KCNK17: variants seen among roughly 807,000 people sequenced by gnomAD.
The protein encoded by KCNK17 is potassium channel subfamily K member 17.
In KCNK17, 27 loss-of-function variants were observed where a neutral mutation model predicts 24.6. That is an observed-to-expected ratio of 1.10 (90% CI 0.81 to 1.51). The LOEUF (loss-of-function observed/expected upper bound fraction) is 1.51. KCNK17 is among the 40% of genes most tolerant of loss of function. KCNK17 has a pLI of 0.00. For missense variants in KCNK17, 450 were observed against 436.6 expected (o/e 1.03, Z -0.27); for synonymous variants, 181 against 189.8 (o/e 0.95, Z 0.38).
At chr6:39,304,444 C>T (rs770529672) in intron 3 of KCNK17, 51 bp downstream of exon 3, 2 of 1,494,796 alleles carry the variant, frequency 1.3e-6, no homozygotes, top group Non-Finnish European at 1.9e-6. Context: ...CCCACCACAG[C>T]CCCTCATTCT....
chr6:39,300,474 T>C, intron 4 of KCNK17: 1 of 1,550,564 alleles, frequency 6.4e-7, no homozygotes, highest in Non-Finnish European at 8.7e-7. Flanking sequence ...TCCGCTCTAG[T>C]GTTTGCCAGT....
In KCNK17 at chr6:39,311,245, T is replaced by C. The variant is rs537589697; in HGVS notation, c.238-238A>G. ...TACTGACAGCTACCATGGGGACAGCTCCTTCCCCACCCTTTACCCAGTGGC... is the reference window on the plus strand; with the variant it reads ...TACTGACAGCTACCATGGGGACAGCCCCTTCCCCACCCTTTACCCAGTGGC... On this transcript the variant is annotated intron_variant, in intron 1 of 4. Transcript: ENST00000373231. Among the ~76,000 whole-genome samples, 36 of 152,208 alleles carry C rather than the reference T, an allele frequency of 2.4e-4. No individual in the cohort carries two copies. In the South Asian group the frequency reaches 6.4e-3, roughly 27 times the overall value.
chr6:39,305,780 A>G (rs1448241286), intron 2 of KCNK17, among the ~76,000 whole-genome samples: 1 of 152,052 alleles, frequency 6.6e-6, no homozygotes, highest in Admixed American at 6.6e-5. Context: ...CTCTAGCCAC[A>G]TTGCTGGCCT....
chr6:39,309,092 A>G (rs11967033), intron 2 of KCNK17, among the ~76,000 whole-genome samples: 166 of 152,296 alleles, frequency 1.1e-3, no homozygotes, highest in Middle Eastern at 6.8e-3. Context: ...TTGGGAGGCC[A>G]AGGCGGGTGG....
At chr6:39,311,110 ACACACAC>A (rs1762130909) in intron 1 of KCNK17, 103 bp from the exon 2 acceptor site, 2 of 576,226 alleles carry the variant, frequency 3.5e-6, no homozygotes, top group East Asian at 5.8e-5. Flanking sequence ...ACACACACAC[ACACACAC>A]ACAAACAAAC....
In KCNK17 at chr6:39,314,085, C is replaced by G. The variant is rs761146240; in HGVS notation, c.236G>C (p.Arg79Pro). The G allele has an allele frequency of 5.1e-6, 8 of 1,578,210 alleles. No individual in the cohort carries two copies. The highest frequency in any genetic ancestry group is 5.2e-6 in the Non-Finnish European group (6 of 1,163,076). The change falls in exon 1 of 5, where the codon CGG becomes CCG. Residue 79 changes from arginine (R) to proline (P), a missense_variant and splice_region_variant. Transcript: ENST00000373231. ...AGGCCGACGCCGCTCGCCCCTGACCCGGATCAGCGAGTCCAGCGCCGGGCG... is the reference window on the plus strand; with the variant it reads ...AGGCCGACGCCGCTCGCCCCTGACCGGGATCAGCGAGTCCAGCGCCGGGCG... ...LDRPALDSLI[R>P]DVVQAYKNGA...
chr6:39,305,630 T>C (rs1762022627), intron 2 of KCNK17, among the ~76,000 whole-genome samples: 1 of 152,232 alleles, frequency 6.6e-6, no homozygotes, highest in Non-Finnish European at 1.5e-5. Flanking sequence ...TCACCACCAC[T>C]GTCTTGTCTT....
intron 2 of KCNK17, 109 bp from the exon 3 acceptor site, chr6:39,304,764 G>A: frequency 8.4e-7 from 1 of 1,192,194 alleles, no homozygotes; most frequent in Non-Finnish European, 1.2e-6. Context: ...CTAACCCACT[G>A]TAGATGTGGG....
Position 39,314,052 on chromosome 6 carries a change from C to T in KCNK17, c.237+32G>A, listed in dbSNP as rs372753787. 3.6e-5 allele frequency: 54 copies of T among 1,510,904 alleles called. 1 individual carries two copies. The African/African-American group carries it at 6.5e-4, about 18-fold the overall frequency. The allele number at this position is 1,510,904 out of a possible 1,614,324, so 93.6% of individuals were successfully genotyped here. On this transcript the variant is annotated intron_variant, in intron 1 of 4. Transcript: ENST00000373231. ...CCCCGCGGCCCGCTACCCCATCCCGCCGCGCCCAGGCCGACGCCGCTCGCC... is the reference window on the plus strand; with the variant it reads ...CCCCGCGGCCCGCTACCCCATCCCGTCGCGCCCAGGCCGACGCCGCTCGCC...
intron 2 of KCNK17, among the ~76,000 whole-genome samples, chr6:39,309,321 C>T (rs58096998): frequency 4.6e-5 from 7 of 152,286 alleles, no homozygotes; most frequent in Admixed American, 2.0e-4. Flanking sequence ...GAGACTCCGT[C>T]TCAAAAAAGA....
intron 1 of KCNK17, 52 bp from the exon 2 acceptor site, chr6:39,311,059 T>A (rs917950542): frequency 7.9e-6 from 8 of 1,007,934 alleles, no homozygotes; most frequent in Middle Eastern, 2.2e-4. Flanking sequence ...ATGGATTTCC[T>A]GTACCCCAAG....
At chr6:39,303,470 C>T (rs1761978112) in intron 4 of KCNK17, among the ~76,000 whole-genome samples, 2 of 152,260 alleles carry the variant, frequency 1.3e-5, no homozygotes, top group South Asian at 4.1e-4. Flanking sequence ...CCTGGGTCCA[C>T]TGACCATGAG....
chr6:39,303,075 T>C (rs1761971064), intron 4 of KCNK17, among the ~76,000 whole-genome samples: 2 of 152,238 alleles, frequency 1.3e-5, no homozygotes, highest in African/African-American at 2.4e-5. Context: ...TCTCTGAGCT[T>C]CAGCTTCCTC....
At chr6:39,301,545 C>A (rs535912909) in intron 4 of KCNK17, among the ~76,000 whole-genome samples, 2 of 152,380 alleles carry the variant, frequency 1.3e-5, no homozygotes, top group East Asian at 3.9e-4. Flanking sequence ...AGGCACTGAG[C>A]CGGCTCTCTG....
Position 39,303,978 on chromosome 6 carries a change from C to A in KCNK17, c.667G>T (p.Gly223Cys), listed in dbSNP as rs748779303. 1 of 1,613,320 alleles carries A rather than the reference C, an allele frequency of 6.2e-7. No individual in the cohort carries two copies. The highest frequency in any genetic ancestry group is 8.5e-7 in the Non-Finnish European group (1 of 1,179,960). ...YFAFITLSTVGFGDYVIGMNP... is the reference protein window; with the variant it reads ...YFAFITLSTVCFGDYVIGMNP... ...TCACCAATCACGTAGTCGCCGAAGC[C>A]CACGGTGCTGAGGGTGATGAAGGCG... The change falls in exon 4 of 5, where the codon GGC becomes TGC. Residue 223 changes from glycine to cysteine, a missense_variant. Physicochemically the swap from Gly to Cys is radical, Grantham distance 159 (BLOSUM62 -3). Coordinates refer to ENST00000373231, the MANE Select transcript of KCNK17 (RefSeq NM_031460.4).
intron 3 of KCNK17, 83 bp downstream of exon 3, chr6:39,304,412 C>T (rs1460929940): frequency 5.5e-6 from 7 of 1,277,536 alleles, no homozygotes; most frequent in Admixed American, 3.5e-5. Flanking sequence ...GCTCCCACCT[C>T]TTGTCATTAG....
At chr6:39,308,900 G>A (rs537335658) in intron 2 of KCNK17, among the ~76,000 whole-genome samples, 8 of 152,286 alleles carry the variant, frequency 5.3e-5, no homozygotes, top group African/African-American at 1.9e-4. Context: ...GTGCATACAG[G>A]TGTGGTCAGC....
At position 39,314,314 on chromosome 6, in the gene KCNK17, G is replaced by A. The variant is rs1024498718; in HGVS notation, c.7C>T (p.Arg3Ter). 9.8e-6 allele frequency: 14 copies of A among 1,421,600 alleles called. No homozygotes were observed. Among genetic ancestry groups the A allele is most frequent in the African/African-American group, 1.5e-5 (1 of 67,300 alleles). 88.1% of individuals were successfully genotyped at this position (1,421,600 alleles called of 1,614,324 possible). ...TCGGGAGCCGCCCGGGCTCGCGGTC[G>A]GTACATAGCGGGAGAGGCGGGGAGC... MY[R>*]PRARAAPEGR... Residue 3 changes from arginine to a stop codon, truncating the protein, a stop_gained, in exon 1 of 5, where the codon CGA (arginine) becomes TGA (stop). Coordinates refer to ENST00000373231, the MANE Select transcript of KCNK17 (RefSeq NM_031460.4). LOFTEE classifies it high-confidence loss of function.
intron 2 of KCNK17, among the ~76,000 whole-genome samples, chr6:39,308,060 C>T (rs930822737): frequency 6.6e-6 from 1 of 152,174 alleles, no homozygotes; most frequent in Non-Finnish European, 1.5e-5. Flanking sequence ...ATAGGTGCCC[C>T]CATCACTATG....
Sources: gnomAD v4.1 joint callset for allele counts (sites outside exome capture counted in the v4.1 genomes callset) on GRCh38, gnomAD v4.1.1 for gene constraint, MANE v1.5 for transcripts, NCBI Gene and HGNC (gene_info 2026-07-23, HGNC 2026-07-21) for gene names.